MSH3: variants seen among roughly 807,000 people sequenced by gnomAD.
The protein encoded by MSH3 is mutS homolog 3, also known as DNA mismatch repair protein Msh3.
A neutral mutation model predicts 123.3 loss-of-function variants in MSH3; 106 were observed. The ratio of observed to expected loss-of-function variants is 0.86; its 90% CI spans 0.73 to 1.01. MSH3 has a LOEUF of 1.01. MSH3 is among the 50% of genes least tolerant of loss of function. The pLI, the probability that MSH3 is intolerant of heterozygous loss-of-function variation, is 0.00. For synonymous variants in MSH3, 515 were observed against 481.4 expected (o/e 1.07, Z -0.91); for missense variants, 1,459 against 1,347.6 (o/e 1.08, Z -1.29).
intron 8 of MSH3, among the ~76,000 whole-genome samples, chr5:80,685,422 C>A (rs1750066551): frequency 6.6e-6 from 1 of 151,632 alleles, no homozygotes; most frequent in South Asian, 2.1e-4. Flanking sequence ...AGGAATTTAT[C>A]CATTTCTTCT....
chr5:80,840,575 G>A (rs1341782936), intron 20 of MSH3, among the ~76,000 whole-genome samples: 3 of 151,954 alleles, frequency 2.0e-5, no homozygotes, highest in East Asian at 1.9e-4. Context: ...CACCACACCC[G>A]GCTAATTTTT....
chr5:80,669,979 A>G (rs527993967), intron 3 of MSH3, 118 bp from the exon 4 acceptor site: 2 of 934,238 alleles, frequency 2.1e-6, no homozygotes, highest in Admixed American at 2.1e-5. Context: ...GTGCTTCTAT[A>G]AACTTTTCAT....
intron 10 of MSH3, among the ~76,000 whole-genome samples, chr5:80,729,377 C>G (rs1743365569): frequency 7.0e-6 from 1 of 142,588 alleles, no homozygotes; most frequent in Non-Finnish European, 1.5e-5. Context: ...GATCCCACCA[C>G]TGCACTCCAG....
chr5:80,824,351 C>T (rs925552884), intron 20 of MSH3, among the ~76,000 whole-genome samples: 1 of 150,164 alleles, frequency 6.7e-6, no homozygotes, highest in Non-Finnish European at 1.5e-5. Context: ...GACGGGGCGG[C>T]TGGCCGGGTG....
At chr5:80,696,764 A>G (rs1008768803) in intron 8 of MSH3, among the ~76,000 whole-genome samples, 1 of 152,168 alleles carries the variant, frequency 6.6e-6, no homozygotes, top group Non-Finnish European at 1.5e-5. Flanking sequence ...AGATTGCTCT[A>G]TGTATAAATG....
intron 22 of MSH3, among the ~76,000 whole-genome samples, chr5:80,865,858 C>T (rs1274202031): frequency 6.6e-6 from 1 of 152,146 alleles, no homozygotes; most frequent in Non-Finnish European, 1.5e-5. Context: ...AGCACTGGGC[C>T]TAAGATAAAT....
intron 20 of MSH3, among the ~76,000 whole-genome samples, chr5:80,847,933 T>C (rs1745752211): frequency 6.6e-6 from 1 of 152,202 alleles, no homozygotes; most frequent in Admixed American, 6.5e-5. Flanking sequence ...TCTTCCAGGT[T>C]TAAAAACTTG....
intron 10 of MSH3, among the ~76,000 whole-genome samples, chr5:80,735,944 G>T (rs757498652): frequency 1.2e-4 from 18 of 152,278 alleles, no homozygotes; most frequent in Non-Finnish European, 2.1e-4. Context: ...TGACAATCTG[G>T]CTGGGCGCAG....
intron 20 of MSH3, among the ~76,000 whole-genome samples, chr5:80,822,041 A>G (rs1745211781): frequency 6.6e-6 from 1 of 152,226 alleles, no homozygotes; most frequent in South Asian, 2.1e-4. Flanking sequence ...ATAGGTCAAT[A>G]GGATTCTCAG....
At chr5:80,738,153 T>G (rs1743546573) in intron 10 of MSH3, among the ~76,000 whole-genome samples, 1 of 152,222 alleles carries the variant, frequency 6.6e-6, no homozygotes, top group Admixed American at 6.5e-5. Flanking sequence ...CCAGCTTGGT[T>G]GTTCACAGTT....
intron 21 of MSH3, among the ~76,000 whole-genome samples, chr5:80,858,165 C>T (rs1745949858): frequency 6.6e-6 from 1 of 152,166 alleles, no homozygotes; most frequent in African/African-American, 2.4e-5. Context: ...CTGCCTCAGC[C>T]TCCCATGTAG....
At chr5:80,696,706 T>C (rs1750490391) in intron 8 of MSH3, among the ~76,000 whole-genome samples, 1 of 152,106 alleles carries the variant, frequency 6.6e-6, no homozygotes. Flanking sequence ...CATATCTCCA[T>C]TCCTTCTTCC....
chr5:80,850,576 C>G (rs567417266), intron 20 of MSH3, among the ~76,000 whole-genome samples: 1 of 152,260 alleles, frequency 6.6e-6, no homozygotes, highest in African/African-American at 2.4e-5. Flanking sequence ...TGCTGGGAAA[C>G]TCCCGTTTTT....
chr5:80,694,214 T>A (rs1462220714), intron 8 of MSH3, among the ~76,000 whole-genome samples: 1 of 152,102 alleles, frequency 6.6e-6, no homozygotes, highest in Non-Finnish European at 1.5e-5. Flanking sequence ...AGTTGGAAAA[T>A]ATATATGTAT....
intron 2 of MSH3, among the ~76,000 whole-genome samples, chr5:80,660,449 G>A (rs569865327): frequency 1.7e-4 from 26 of 152,232 alleles, no homozygotes; most frequent in African/African-American, 5.8e-4. Context: ...CACAACACGT[G>A]GGAATTCTGG....
At chr5:80,818,077 G>C (rs1428440177) in intron 20 of MSH3, among the ~76,000 whole-genome samples, 4 of 152,116 alleles carry the variant, frequency 2.6e-5, no homozygotes, top group Non-Finnish European at 5.9e-5. Context: ...AAAATAGCCA[G>C]GTGTGGTGGC....
chr5:80,835,241 A>G (rs981492107), intron 20 of MSH3, among the ~76,000 whole-genome samples: 1 of 152,226 alleles, frequency 6.6e-6, no homozygotes, highest in Non-Finnish European at 1.5e-5. Flanking sequence ...CAGCTTGTCT[A>G]TGTCAGACCA....
intron 1 of MSH3, chr5:80,655,510 A>T: frequency 5.0e-6 from 1 of 198,686 alleles, no homozygotes; most frequent in Non-Finnish European, 1.0e-5. Context: ...TGGGTGGATA[A>T]AGTTTCTTAG....
At chr5:80,755,947 A>G (rs987603226) in intron 12 of MSH3, among the ~76,000 whole-genome samples, 7 of 152,176 alleles carry the variant, frequency 4.6e-5, no homozygotes, top group Non-Finnish European at 1.0e-4. Flanking sequence ...GTTTCAATTT[A>G]TACTCTGTGT....
Sources: gnomAD v4.1 joint callset for allele counts (sites outside exome capture counted in the v4.1 genomes callset) on GRCh38, gnomAD v4.1.1 for gene constraint, MANE v1.5 for transcripts, NCBI Gene and HGNC (gene_info 2026-07-23, HGNC 2026-07-21) for gene names.